Variants in KLHL7 observed in about 807,000 individuals in gnomAD.
The protein encoded by KLHL7 is kelch-like protein 7.
In KLHL7, 44 loss-of-function variants were observed where a neutral mutation model predicts 67.4. The observed-to-expected ratio is 0.65, with a 90% CI of 0.51 to 0.84. The LOEUF is 0.84. KLHL7 is among the 40% of genes least tolerant of loss of function. The pLI, the probability that KLHL7 is intolerant of heterozygous loss-of-function variation, is 0.00. For synonymous variants in KLHL7, 252 were observed against 243.3 expected, an observed-to-expected ratio of 1.04 and a Z score of -0.33; for missense variants, 362 against 718.1, an observed-to-expected ratio of 0.50 and a Z score of 5.67.
chr7:23,158,385 C>G (rs925369355), intron 7 of KLHL7, among the ~76,000 whole-genome samples: 1 of 152,152 alleles, frequency 6.6e-6, no homozygotes, highest in Non-Finnish European at 1.5e-5. Context: ...ACACTCTTTA[C>G]TAGACCATGT....
At chr7:23,152,994 T>G (rs1784586685) in intron 7 of KLHL7, among the ~76,000 whole-genome samples, 1 of 152,222 alleles carries the variant, frequency 6.6e-6, no homozygotes, top group Non-Finnish European at 1.5e-5. Context: ...ATCTCTTTCA[T>G]GATTTTGCAA....
Position 23,145,094 on chromosome 7 carries a change from T to G in KLHL7, c.793+1069T>G, listed in dbSNP as rs575349277. 2.6e-5 allele frequency among the ~76,000 whole-genome samples: 4 copies of G among 152,212 alleles called. No homozygotes were observed. In the East Asian group the frequency reaches 7.7e-4, roughly 29 times the overall value. On this transcript the variant is annotated intron_variant, in intron 6 of 10. Transcript: ENST00000339077. ...ACAGCCTGGGCAACAGAGTAAGACC[T>G]TGTCTATTTAAAAAAGAAAGAAAGA... is the stretch of plus-strand genomic sequence containing the variant.
At chr7:23,158,963 G>A (rs1784782609) in intron 7 of KLHL7, among the ~76,000 whole-genome samples, 1 of 152,208 alleles carries the variant, frequency 6.6e-6, no homozygotes, top group Admixed American at 6.5e-5. Flanking sequence ...TAGGAAGAAA[G>A]AGAAAAGACT....
intron 9 of KLHL7, among the ~76,000 whole-genome samples, chr7:23,169,747 G>C (rs750923334): frequency 6.6e-6 from 1 of 152,024 alleles, no homozygotes; most frequent in Non-Finnish European, 1.5e-5. Flanking sequence ...TCAGTTTCAG[G>C]AATATTTAAA....
At chr7:23,164,417 C>T (rs1784940393) in intron 7 of KLHL7, among the ~76,000 whole-genome samples, 1 of 152,128 alleles carries the variant, frequency 6.6e-6, no homozygotes, top group Non-Finnish European at 1.5e-5. Context: ...GTTCCCTGTA[C>T]AATATGATCA....
chr7:23,137,138 A>C (rs1784006935), intron 4 of KLHL7, among the ~76,000 whole-genome samples: 1 of 152,176 alleles, frequency 6.6e-6, no homozygotes, highest in African/African-American at 2.4e-5. Flanking sequence ...TACAAAAATT[A>C]GCCAGGCATG....
chr7:23,146,052 C>T (rs185474191), intron 6 of KLHL7, among the ~76,000 whole-genome samples: 1 of 152,270 alleles, frequency 6.6e-6, no homozygotes, highest in Admixed American at 6.5e-5. Context: ...TTTTCAGACT[C>T]CCATCCTTTT....
chr7:23,130,721 C>T (rs1680158726), intron 4 of KLHL7, among the ~76,000 whole-genome samples: 1 of 152,094 alleles, frequency 6.6e-6, no homozygotes, highest in Admixed American at 6.5e-5. Flanking sequence ...GATCTACTTG[C>T]CAGTTTCTCT....
chr7:23,113,156 C>T (rs1281477759), intron 1 of KLHL7, among the ~76,000 whole-genome samples: 2 of 151,750 alleles, frequency 1.3e-5, no homozygotes, highest in African/African-American at 2.4e-5. Flanking sequence ...AGAATGAGAT[C>T]ATCTGCTAAA....
chr7:23,161,424 G>A, intron 7 of KLHL7, among the ~76,000 whole-genome samples: 1 of 152,168 alleles, frequency 6.6e-6, no homozygotes, highest in East Asian at 1.9e-4. Flanking sequence ...TTGATTTACA[G>A]TTTTTTCCTG....
chr7:23,125,322 G>T lies in KLHL7; in HGVS notation c.442+150G>T, dbSNP rs187906168. 7.2e-5 allele frequency: 52 copies of T among 722,438 alleles called. No individual in the cohort carries two copies. In the East Asian group the frequency reaches 1.3e-3, roughly 19 times the overall value. 44.8% of individuals were successfully genotyped at this position (722,438 alleles called of 1,614,324 possible). A position where few individuals can be genotyped will look rare whatever the true frequency, so the allele number is the denominator to read the frequency against. ...TTTTCTAGTAATAAAATTTAAGAGG[G>T]GCTTAGAGAGATGCATATTAACCTG... On this transcript the variant is annotated intron_variant, in intron 4 of 10. Coordinates refer to ENST00000339077, the MANE Select transcript of KLHL7 (RefSeq NM_001031710.3).
rs752132191 is a variant in KLHL7, at chr7:23,105,909, G to A, written c.-118G>A. 264 of 1,464,468 alleles carry A rather than the reference G, an allele frequency of 1.8e-4. No individual in the cohort carries two copies. The highest frequency in any genetic ancestry group is 9.5e-4 in the Middle Eastern group (4 of 4,214). 90.7% of individuals were successfully genotyped at this position (1,464,468 alleles called of 1,614,324 possible). A position where few individuals can be genotyped will look rare whatever the true frequency, so the allele number is the denominator to read the frequency against. ...CCGCCTGCCGCGCGTTCCAGAGCTG[G>A]GCGCTGCAGCTGCACTGCCGATCGC... On this transcript the variant is annotated 5_prime_UTR_variant, in exon 1 of 11. Coordinates refer to ENST00000339077, the MANE Select transcript of KLHL7 (RefSeq NM_001031710.3).
intron 8 of KLHL7, among the ~76,000 whole-genome samples, chr7:23,167,437 G>A (rs1475252670): frequency 6.6e-6 from 1 of 152,022 alleles, no homozygotes; most frequent in African/African-American, 2.4e-5. Context: ...ATATTTTAAG[G>A]TATGGGTCTA....
chr7:23,117,814 A>T (rs556908140), intron 1 of KLHL7: 1 of 1,589,464 alleles, frequency 6.3e-7, no homozygotes, highest in Admixed American at 1.7e-5. Flanking sequence ...TAAGGGCCTC[A>T]TTTCCCTTTA....
At chr7:23,148,097 T>C (rs750645689) in intron 6 of KLHL7, among the ~76,000 whole-genome samples, 4 of 152,198 alleles carry the variant, frequency 2.6e-5, no homozygotes, top group Non-Finnish European at 5.9e-5. Context: ...ATCACATAGC[T>C]ACTGCTTACT....
At chr7:23,140,336 C>T (rs1274389561) in intron 4 of KLHL7, among the ~76,000 whole-genome samples, 3 of 152,126 alleles carry the variant, frequency 2.0e-5, no homozygotes, top group Admixed American at 6.5e-5. Flanking sequence ...GGGCGGATCA[C>T]GAGGTCAGGA....
intron 7 of KLHL7, among the ~76,000 whole-genome samples, chr7:23,164,369 A>C (rs1490136998): frequency 1.3e-5 from 2 of 152,250 alleles, no homozygotes; most frequent in Admixed American, 6.5e-5. Context: ...GATATGAAGA[A>C]CATTTAAGAG....
chr7:23,148,325 G>A (rs1409880220), intron 6 of KLHL7, among the ~76,000 whole-genome samples: 1 of 149,374 alleles, frequency 6.7e-6, no homozygotes, highest in East Asian at 2.0e-4. Flanking sequence ...GTTGTCAAAG[G>A]AAAAGGAGAA....
intron 6 of KLHL7, among the ~76,000 whole-genome samples, chr7:23,146,414 A>G (rs1784356887): frequency 2.0e-5 from 3 of 152,200 alleles, no homozygotes; most frequent in Admixed American, 2.0e-4. Flanking sequence ...AGTACTATCA[A>G]AGACGGAGTT....
Sources: allele counts gnomAD v4.1 joint callset (sites outside exome capture counted in the v4.1 genomes callset), GRCh38; gene constraint gnomAD v4.1.1; transcripts MANE v1.5; gene names NCBI Gene and HGNC (gene_info 2026-07-23, HGNC 2026-07-21).